SPATA17: variants seen among roughly 807,000 people sequenced by gnomAD.
SPATA17 encodes the protein spermatogenesis associated 17.
A neutral mutation model predicts 62.2 loss-of-function variants in SPATA17; 53 were observed. The ratio of observed to expected loss-of-function variants is 0.85; its 90% CI spans 0.68 to 1.07. The LOEUF is 1.07. Ranked by LOEUF, SPATA17 falls within the 50% of genes least tolerant of loss-of-function variation. The probability of loss-of-function intolerance (pLI) is 0.00; values close to 1 mark genes in which losing one functional copy is unlikely to be tolerated. For synonymous variants in SPATA17, 146 were observed against 146.8 expected (o/e 0.99, Z 0.04); for missense variants, 466 against 425.5 (o/e 1.10, Z -0.84).
At chr1:217,670,675 G>A (rs1670811711) in intron 4 of SPATA17, among the ~76,000 whole-genome samples, 1 of 152,198 alleles carries the variant, frequency 6.6e-6, no homozygotes, top group Non-Finnish European at 1.5e-5. Flanking sequence ...ACCTGGCCGG[G>A]TATGGTGGCT....
At chr1:217,721,549 A>G (rs1237816669) in intron 5 of SPATA17, among the ~76,000 whole-genome samples, 1 of 152,132 alleles carries the variant, frequency 6.6e-6, no homozygotes, top group East Asian at 1.9e-4. Flanking sequence ...GAGGTCTTCC[A>G]TGTGCTCCAA....
intron 9 of SPATA17, among the ~76,000 whole-genome samples, chr1:217,856,134 G>A (rs945674705): frequency 9.2e-5 from 14 of 152,140 alleles, no homozygotes; most frequent in Admixed American, 6.6e-4. Context: ...TGAAATAAAA[G>A]CAGGAATGTG....
chr1:217,803,990 C>A (rs2102988821), intron 9 of SPATA17, among the ~76,000 whole-genome samples: 1 of 151,602 alleles, frequency 6.6e-6, no homozygotes, highest in South Asian at 2.1e-4. Flanking sequence ...TGCACTCCAG[C>A]CTGGGTAAAA....
At chr1:217,796,146 C>A (rs986782085) in intron 8 of SPATA17, among the ~76,000 whole-genome samples, 29 of 152,042 alleles carry the variant, frequency 1.9e-4, no homozygotes, top group Non-Finnish European at 2.9e-5. Context: ...CATTTTTAGC[C>A]ATTTTTGAAA....
At chr1:217,669,466 T>C (rs1205579047) in intron 4 of SPATA17, among the ~76,000 whole-genome samples, 1 of 152,178 alleles carries the variant, frequency 6.6e-6, no homozygotes, top group Non-Finnish European at 1.5e-5. Flanking sequence ...AAATTATTCA[T>C]ATGATTTAAC....
chr1:217,709,683 G>C (rs552813731), intron 5 of SPATA17, among the ~76,000 whole-genome samples: 8 of 152,336 alleles, frequency 5.3e-5, no homozygotes, highest in African/African-American at 1.9e-4. Context: ...ATGAATACCA[G>C]AGTGGGGATC....
At chr1:217,773,879 C>T (rs1673520908) in intron 6 of SPATA17, among the ~76,000 whole-genome samples, 2 of 151,784 alleles carry the variant, frequency 1.3e-5, no homozygotes, top group African/African-American at 4.8e-5. Flanking sequence ...TTAAAATAAT[C>T]AGTCAAATAT....
At chr1:217,841,086 T>C (rs1372938343) in intron 9 of SPATA17, among the ~76,000 whole-genome samples, 1 of 151,844 alleles carries the variant, frequency 6.6e-6, no homozygotes, top group Non-Finnish European at 1.5e-5. Context: ...AGAATACTTA[T>C]ATATATATGT....
chr1:217,805,181 T>C (rs562461507), intron 9 of SPATA17, among the ~76,000 whole-genome samples: 6 of 152,182 alleles, frequency 3.9e-5, no homozygotes, highest in African/African-American at 9.6e-5. Flanking sequence ...GATGTACACA[T>C]TGGAATACTA....
At chr1:217,648,730 GC>G (rs1489397919) in intron 1 of SPATA17, 151 bp from the exon 2 acceptor site, 1 of 421,734 alleles carries the variant, frequency 2.4e-6, no homozygotes, top group African/African-American at 2.0e-5. Context: ...TTTTTGAAAT[GC>G]CTTATTTATT....
intron 5 of SPATA17, among the ~76,000 whole-genome samples, chr1:217,729,732 A>G (rs1000655405): frequency 1.4e-4 from 21 of 152,216 alleles, no homozygotes; most frequent in Non-Finnish European, 2.9e-5. Context: ...TTTATTCATA[A>G]TTACTAGTTA....
At chr1:217,700,117 T>C (rs1314067258) in intron 5 of SPATA17, among the ~76,000 whole-genome samples, 1 of 152,188 alleles carries the variant, frequency 6.6e-6, no homozygotes, top group African/African-American at 2.4e-5. Flanking sequence ...CTCTATTTTT[T>C]TTCAAGGTTG....
chr1:217,856,342 G>C (rs1047682089), intron 9 of SPATA17, among the ~76,000 whole-genome samples: 4 of 152,100 alleles, frequency 2.6e-5, no homozygotes, highest in African/African-American at 9.7e-5. Flanking sequence ...TATTTTATCT[G>C]TTTTCAAATT....
intron 9 of SPATA17, among the ~76,000 whole-genome samples, chr1:217,856,426 A>G (rs561495651): frequency 2.0e-4 from 30 of 152,344 alleles, no homozygotes; most frequent in African/African-American, 7.2e-4. Context: ...CTGGATTTCA[A>G]ACTCAGGCAG....
At chr1:217,701,514 T>C (rs1342488486) in intron 5 of SPATA17, among the ~76,000 whole-genome samples, 2 of 151,938 alleles carry the variant, frequency 1.3e-5, no homozygotes, top group Admixed American at 1.3e-4. Context: ...ATCTCCCAAG[T>C]TGCTGGGATT....
chr1:217,700,558 G>A (rs1057188882), intron 5 of SPATA17, among the ~76,000 whole-genome samples: 6 of 151,818 alleles, frequency 4.0e-5, no homozygotes, highest in Non-Finnish European at 7.4e-5. Context: ...GACATAATGT[G>A]ACCTGTCAGT....
intron 9 of SPATA17, among the ~76,000 whole-genome samples, chr1:217,846,749 T>TA (rs934488719): frequency 2.0e-5 from 3 of 152,056 alleles, no homozygotes; most frequent in African/African-American, 7.2e-5. Flanking sequence ...TAAGTTTTTA[T>TA]AAAAAGGGCT....
At chr1:217,846,328 A>G (rs1675526657) in intron 9 of SPATA17, among the ~76,000 whole-genome samples, 1 of 152,124 alleles carries the variant, frequency 6.6e-6, no homozygotes, top group South Asian at 2.1e-4. Context: ...ACAACTCATA[A>G]TTATTTCAGT....
chr1:217,724,084 A>G (rs1672201626), intron 5 of SPATA17, among the ~76,000 whole-genome samples: 1 of 152,224 alleles, frequency 6.6e-6, no homozygotes, highest in Admixed American at 6.5e-5. Context: ...TTCTATGTCA[A>G]TACATATAAA....
Sources: allele counts gnomAD v4.1 joint callset (sites outside exome capture counted in the v4.1 genomes callset), GRCh38; gene constraint gnomAD v4.1.1; transcripts MANE v1.5; gene names NCBI Gene and HGNC (gene_info 2026-07-23, HGNC 2026-07-21).